The following CADPS2 variants were observed in gnomAD, a reference collection of about 807,000 sequenced individuals.
CADPS2 encodes calcium-dependent secretion activator 2.
In CADPS2, 93 loss-of-function variants were observed where a neutral mutation model predicts 172.5. That is an observed-to-expected ratio of 0.54 (90% confidence interval 0.46 to 0.64). CADPS2 has a LOEUF of 0.64. Among genes scored for constraint, CADPS2 ranks in the 30% least tolerant of loss-of-function variants. The pLI, the probability that CADPS2 is intolerant of heterozygous loss-of-function variation, is 0.00. For missense variants in CADPS2, 1,420 were observed against 1,565.9 expected, an observed-to-expected ratio of 0.91 and a Z score of 1.57; for synonymous variants, 546 against 555.2, an observed-to-expected ratio of 0.98 and a Z score of 0.23.
intron 6 of CADPS2, among the ~76,000 whole-genome samples, chr7:122,586,650 T>C (rs767478259): frequency 4.6e-5 from 7 of 151,950 alleles, no homozygotes; most frequent in Non-Finnish European, 8.8e-5. Flanking sequence ...CTTATTTCTA[T>C]TCAACAAAAA....
chr7:122,493,032 AAGAC>A (rs1303317831), intron 9 of CADPS2, among the ~76,000 whole-genome samples: 2 of 152,178 alleles, frequency 1.3e-5, no homozygotes, highest in Non-Finnish European at 2.9e-5. Context: ...CTAATTATGA[AAGAC>A]AGAGAAAATA....
At chr7:122,664,487 G>A (rs1425893490) in intron 2 of CADPS2, among the ~76,000 whole-genome samples, 1 of 152,154 alleles carries the variant, frequency 6.6e-6, no homozygotes, top group Non-Finnish European at 1.5e-5. Context: ...AGCAAGGGTT[G>A]GGTAAAAATA....
At chr7:122,329,579 T>C (rs1370070406) in intron 28 of CADPS2, among the ~76,000 whole-genome samples, 6 of 152,240 alleles carry the variant, frequency 3.9e-5, no homozygotes, top group Non-Finnish European at 8.8e-5. Flanking sequence ...AATTTCATTA[T>C]TCTGTTAACT....
intron 1 of CADPS2, among the ~76,000 whole-genome samples, chr7:122,857,543 C>T (rs1223100923): frequency 6.6e-6 from 1 of 152,146 alleles, no homozygotes; most frequent in Non-Finnish European, 1.5e-5. Flanking sequence ...TCAATAACCA[C>T]CTGGGCATTT....
chr7:122,342,341 T>C (rs1038177937), intron 28 of CADPS2, among the ~76,000 whole-genome samples: 6 of 152,144 alleles, frequency 3.9e-5, no homozygotes, highest in African/African-American at 1.4e-4. Flanking sequence ...ATGTTTTTGG[T>C]CTTAAGCAAT....
At chr7:122,547,694 T>A (rs2063765649) in intron 8 of CADPS2, among the ~76,000 whole-genome samples, 1 of 152,028 alleles carries the variant, frequency 6.6e-6, no homozygotes, top group African/African-American at 2.4e-5. Context: ...GAGGATACAG[T>A]TAATAAACAA....
At chr7:122,710,836 T>C (rs1430243414) in intron 2 of CADPS2, among the ~76,000 whole-genome samples, 1 of 152,140 alleles carries the variant, frequency 6.6e-6, no homozygotes, top group Non-Finnish European at 1.5e-5. Context: ...TGTCTGTCTA[T>C]ACTTTCACTT....
intron 24 of CADPS2, chr7:122,386,286 G>T (rs2043660491): frequency 7.0e-7 from 1 of 1,421,954 alleles, no homozygotes; most frequent in South Asian, 1.8e-5. Flanking sequence ...AAAAAAAAAT[G>T]AGACTTACCC....
chr7:122,427,295 C>A (rs1451136731), intron 17 of CADPS2: 1 of 151,744 alleles, frequency 6.6e-6, no homozygotes, highest in Non-Finnish European at 1.5e-5. Context: ...TTATTTATTT[C>A]TATGTAGAAA....
At chr7:122,698,027 A>T in intron 2 of CADPS2, 22 of 1,613,584 alleles carry the variant, frequency 1.4e-5, no homozygotes, top group Non-Finnish European at 1.9e-5. Flanking sequence ...AGAATATCAC[A>T]TTTGCAAATG....
chr7:122,535,031 CA>C lies in CADPS2; in HGVS notation c.1475+19518del, dbSNP rs576053381. Among the ~76,000 whole-genome samples the C allele has an allele frequency of 1.4e-4, 22 of 152,206 alleles. No individual in the cohort carries two copies. The South Asian group carries it at 4.6e-3, about 32-fold the overall frequency. On this transcript the variant is annotated intron_variant, in intron 8 of 29. Transcript: ENST00000449022. Reference sequence around the variant, plus strand: ...AAAATATATTTTGAAATCCCTTTTGCAGGACATGTTCTCCTGATTTCTATAA... The same window carrying C: ...AAAATATATTTTGAAATCCCTTTTGCGGACATGTTCTCCTGATTTCTATAA...
intron 2 of CADPS2, among the ~76,000 whole-genome samples, chr7:122,715,310 C>T (rs1237482501): frequency 6.6e-6 from 1 of 152,096 alleles, no homozygotes; most frequent in Non-Finnish European, 1.5e-5. Context: ...TCTTTGGCAG[C>T]CAATGTCCCT....
At chr7:122,776,096 G>A (rs1207311114) in intron 1 of CADPS2, among the ~76,000 whole-genome samples, 4 of 151,988 alleles carry the variant, frequency 2.6e-5, no homozygotes, top group Non-Finnish European at 5.9e-5. Context: ...ATATGGTTTG[G>A]CTGTGTCCCC....
At chr7:122,506,957 T>G (rs1456428056) in intron 9 of CADPS2, among the ~76,000 whole-genome samples, 1 of 152,156 alleles carries the variant, frequency 6.6e-6, no homozygotes, top group Admixed American at 6.6e-5. Context: ...AACAAATACT[T>G]AGTTTCTACT....
chr7:122,523,903 C>T (rs6954982), intron 8 of CADPS2, among the ~76,000 whole-genome samples: 1,909 of 152,208 alleles, frequency 0.013, 36 homozygotes, highest in African/African-American at 0.043. Flanking sequence ...GGCAAACTTG[C>T]AGAGAGGTCT....
At chr7:122,480,816 A>T (rs966602517) in intron 12 of CADPS2, 36 bp downstream of exon 12, 7 of 1,446,312 alleles carry the variant, frequency 4.8e-6, no homozygotes, top group South Asian at 1.3e-5. Context: ...AAAATTTTTT[A>T]AAACATCTAA....
intron 1 of CADPS2, among the ~76,000 whole-genome samples, chr7:122,865,792 G>T (rs1398861506): frequency 6.6e-6 from 1 of 152,186 alleles, no homozygotes; most frequent in Non-Finnish European, 1.5e-5. Context: ...TAAAAATTCT[G>T]TTGCTTATAA....
chr7:122,360,421 A>G (rs1174694410), intron 27 of CADPS2, among the ~76,000 whole-genome samples: 1 of 152,230 alleles, frequency 6.6e-6, no homozygotes, highest in Non-Finnish European at 1.5e-5. Flanking sequence ...CTTTATCATT[A>G]TTCTACCTTC....
At chr7:122,492,032 C>A (rs749755621) in intron 9 of CADPS2, among the ~76,000 whole-genome samples, 1 of 151,902 alleles carries the variant, frequency 6.6e-6, no homozygotes, top group Non-Finnish European at 1.5e-5. Context: ...ATTAGCCAGG[C>A]GTGGTGGCAC....
Sources: allele counts gnomAD v4.1 joint callset (sites outside exome capture counted in the v4.1 genomes callset), GRCh38; gene constraint gnomAD v4.1.1; transcripts MANE v1.5; gene names NCBI Gene and HGNC (gene_info 2026-07-23, HGNC 2026-07-21).